Variants in SORCS3 observed in about 807,000 individuals in gnomAD.
SORCS3 encodes the protein sortilin related VPS10 domain containing receptor 3, also known as VPS10 domain-containing receptor SorCS3.
A neutral mutation model predicts 146.3 loss-of-function variants in SORCS3; 57 were observed. The observed-to-expected ratio is 0.39, with a 90% CI of 0.31 to 0.49. The LOEUF (loss-of-function observed/expected upper bound fraction) is 0.49, where lower values mean the gene tolerates loss of function less well. Among genes scored for constraint, SORCS3 ranks in the 20% least tolerant of loss-of-function variants. The probability of loss-of-function intolerance (pLI) is 0.92; values close to 1 mark genes in which losing one functional copy is unlikely to be tolerated. For missense variants in SORCS3, 1,341 were observed against 1,575.5 expected (o/e 0.85, Z 2.52); for synonymous variants, 653 against 618.5 (o/e 1.06, Z -0.83).
rs55647935 is a variant in SORCS3, at chr10:105,106,961, C to T, written c.1212+1446C>T. Among the ~76,000 whole-genome samples the T allele has an allele frequency of 1.8e-3, 278 of 152,292 alleles. 1 individual carries two copies. Among genetic ancestry groups the T allele is most frequent in the African/African-American group, 6.4e-3 (265 of 41,552 alleles). On this transcript the variant is annotated intron_variant, in intron 7 of 26. Coordinates refer to ENST00000369701, the MANE Select transcript of SORCS3 (RefSeq NM_014978.3). ...TTGACCTGCTTCTCTACCCAGTACT[C>T]GCTGCCTGAGCAATCCCCTGGTTTT...
At chr10:105,207,129 C>G (rs147809271) in intron 16 of SORCS3, among the ~76,000 whole-genome samples, 1,671 of 152,192 alleles carry the variant, frequency 0.011, 9 homozygotes, top group Middle Eastern at 0.044. Context: ...TCAGGAGTCT[C>G]CATTATCACC....
chr10:105,247,164 C>A, intron 21 of SORCS3, 55 bp from the exon 22 acceptor site: 1 of 982,180 alleles, frequency 1.0e-6, no homozygotes, highest in Non-Finnish European at 1.6e-6. Flanking sequence ...ACACCTGTCA[C>A]ACCCTCTCTC....
chr10:105,159,671 GAAGTT>G (rs2056245451), intron 11 of SORCS3, among the ~76,000 whole-genome samples: 1 of 149,198 alleles, frequency 6.7e-6, no homozygotes, highest in African/African-American at 2.6e-5. Context: ...GCTAATCTTA[GAAGTT>G]AGAGCTCCGG....
chr10:104,644,349 A>G (rs184770831), intron 1 of SORCS3, among the ~76,000 whole-genome samples: 1 of 152,352 alleles, frequency 6.6e-6, no homozygotes, highest in African/African-American at 2.4e-5. Context: ...TTTGTAGGCA[A>G]TACGAGAGAG....
At chr10:104,702,261 A>G (rs1406796795) in intron 1 of SORCS3, among the ~76,000 whole-genome samples, 1 of 152,192 alleles carries the variant, frequency 6.6e-6, no homozygotes, top group Admixed American at 6.5e-5. Flanking sequence ...TTCCCTTCAG[A>G]ACTGTGTTAC....
At position 104,842,840 on chromosome 10, in the gene SORCS3, A is replaced by C; in HGVS notation, c.676A>C (p.Thr226Pro). 1 of 1,613,900 alleles carries C rather than the reference A, an allele frequency of 6.2e-7. No individual in the cohort carries two copies. The highest frequency in any genetic ancestry group is 8.5e-7 in the Non-Finnish European group (1 of 1,179,866). ...GTATGACTTCAACCTGGGCAGCGTG[A>C]CTGAGAGTTCACTATGGAGGTAAGC... is the stretch of plus-strand genomic sequence containing the variant. ...KLYDFNLGSV[T>P]ESSLWRSTDY... The change falls in exon 2 of 27, where the codon ACT becomes CCT. Residue 226 changes from threonine (T) to proline (P), a missense_variant. Coordinates refer to ENST00000369701, the MANE Select transcript of SORCS3 (RefSeq NM_014978.3).
intron 3 of SORCS3, among the ~76,000 whole-genome samples, chr10:104,935,001 C>T (rs1462312306): frequency 2.0e-5 from 3 of 152,120 alleles, no homozygotes; most frequent in Non-Finnish European, 4.4e-5. Context: ...TTCTAAATGT[C>T]AGTGGGGAAT....
At chr10:105,258,990 T>G (rs989066664) in intron 25 of SORCS3, among the ~76,000 whole-genome samples, 3 of 152,182 alleles carry the variant, frequency 2.0e-5, no homozygotes, top group African/African-American at 7.2e-5. Context: ...CTTTTATTTT[T>G]TTGGTCTCTT....
intron 1 of SORCS3, among the ~76,000 whole-genome samples, chr10:104,725,739 A>G (rs1257011914): frequency 6.6e-6 from 1 of 152,176 alleles, no homozygotes; most frequent in African/African-American, 2.4e-5. Flanking sequence ...TGTGCTAGCA[A>G]TGAGCGAGGC....
At chr10:105,194,198 T>C (rs2056532489) in intron 14 of SORCS3, among the ~76,000 whole-genome samples, 1 of 152,054 alleles carries the variant, frequency 6.6e-6, no homozygotes, top group Admixed American at 6.6e-5. Context: ...CAAGGCTCAC[T>C]AGGAAGATAT....
At chr10:104,953,774 A>G (rs1365727925) in intron 3 of SORCS3, among the ~76,000 whole-genome samples, 1 of 152,220 alleles carries the variant, frequency 6.6e-6, no homozygotes, top group Non-Finnish European at 1.5e-5. Context: ...TGTACCAGAC[A>G]TTGTGCTGGA....
chr10:105,243,896 C>A (rs2056851086), intron 20 of SORCS3, among the ~76,000 whole-genome samples: 1 of 152,150 alleles, frequency 6.6e-6, no homozygotes, highest in African/African-American at 2.4e-5. Context: ...CTGAAAGCTG[C>A]AGCTGGGAGC....
At chr10:104,872,542 T>C (rs2018529227) in intron 2 of SORCS3, among the ~76,000 whole-genome samples, 1 of 149,314 alleles carries the variant, frequency 6.7e-6, no homozygotes, top group African/African-American at 2.5e-5. Context: ...AAGTTGGAGA[T>C]GGGACCTAGG....
intron 19 of SORCS3, among the ~76,000 whole-genome samples, chr10:105,218,753 A>G (rs535906800): frequency 2.8e-4 from 42 of 152,328 alleles, no homozygotes; most frequent in African/African-American, 9.9e-4. Context: ...GCGGTGGCTC[A>G]CGCCTGTAAT....
chr10:104,947,602 G>T (rs1389725556), intron 3 of SORCS3, among the ~76,000 whole-genome samples: 1 of 152,056 alleles, frequency 6.6e-6, no homozygotes, highest in African/African-American at 2.4e-5. Flanking sequence ...AGCACTGGAT[G>T]TTGTATTTTT....
chr10:104,792,261 T>C (rs559304118), intron 1 of SORCS3, among the ~76,000 whole-genome samples: 2 of 152,194 alleles, frequency 1.3e-5, no homozygotes, highest in East Asian at 3.9e-4. Context: ...CATGCATCTC[T>C]ATCCTGGTAG....
chr10:104,657,044 T>C (rs1272499010), intron 1 of SORCS3, among the ~76,000 whole-genome samples: 1 of 152,210 alleles, frequency 6.6e-6, no homozygotes, highest in Non-Finnish European at 1.5e-5. Flanking sequence ...CTTTGGCCAA[T>C]AGAGAGTTGG....
At chr10:105,166,702 G>A (rs2056316364) in intron 12 of SORCS3, among the ~76,000 whole-genome samples, 1 of 152,154 alleles carries the variant, frequency 6.6e-6, no homozygotes, top group South Asian at 2.1e-4. Context: ...ACCACTTAGA[G>A]TAGGGATTCA....
At chr10:105,213,805 T>G (rs2056648846) in intron 17 of SORCS3, among the ~76,000 whole-genome samples, 1 of 152,120 alleles carries the variant, frequency 6.6e-6, no homozygotes, top group Non-Finnish European at 1.5e-5. Flanking sequence ...AATAGGAGTT[T>G]CAAATCTGTG....
Sources: gnomAD v4.1 joint callset for allele counts (sites outside exome capture counted in the v4.1 genomes callset) on GRCh38, gnomAD v4.1.1 for gene constraint, MANE v1.5 for transcripts, NCBI Gene and HGNC (gene_info 2026-07-23, HGNC 2026-07-21) for gene names.